The following THRB variants were observed in gnomAD, a reference collection of about 807,000 sequenced individuals.
THRB encodes the protein nuclear receptor subfamily 1 group A member 2.
A neutral mutation model predicts 47.8 loss-of-function variants in THRB; 12 were observed. The ratio of observed to expected loss-of-function variants is 0.25; its 90% CI spans 0.16 to 0.41. The LOEUF (loss-of-function observed/expected upper bound fraction) is 0.41, where lower values mean the gene tolerates loss of function less well. THRB is among the 10% of genes least tolerant of loss of function. THRB has a pLI of 1.00. For synonymous variants in THRB, 218 were observed against 212.2 expected (o/e 1.03, Z -0.24); for missense variants, 348 against 589.2 (o/e 0.59, Z 4.24).
At chr3:24,295,994 A>ACAG (rs2056414738) in intron 3 of THRB, among the ~76,000 whole-genome samples, 1 of 152,218 alleles carries the variant, frequency 6.6e-6, no homozygotes. Flanking sequence ...GCAGTAATGG[A>ACAG]CAGCACAGAT....
intron 4 of THRB, among the ~76,000 whole-genome samples, chr3:24,194,966 T>G (rs2043791029): frequency 6.6e-6 from 1 of 152,246 alleles, no homozygotes; most frequent in Non-Finnish European, 1.5e-5. Context: ...TATTAGGTAC[T>G]GAGACTGACT....
chr3:24,495,381 C>T (rs1295067757), upstream of THRB: 6 of 153,344 alleles, frequency 3.9e-5, 1 homozygote. Context: ...CGGGCCAGCG[C>T]TCCGACGCGC....
intron 1 of THRB, among the ~76,000 whole-genome samples, chr3:24,341,183 C>CTTTTGTTTCCTTTCA (rs1559973177): frequency 1.5e-4 from 7 of 47,128 alleles, no homozygotes; most frequent in African/African-American, 4.4e-4. Flanking sequence ...CTTTCCTTTC[C>CTTTTGTTTCCTTTCA]TTTCGTTTCC....
chr3:24,186,124 G>T (rs1206953783), intron 5 of THRB, among the ~76,000 whole-genome samples: 1 of 152,182 alleles, frequency 6.6e-6, no homozygotes, highest in Non-Finnish European at 1.5e-5. Context: ...GCAACGAGTT[G>T]AAGAGTATTT....
chr3:24,318,177 T>C (rs1365659899), intron 2 of THRB, among the ~76,000 whole-genome samples: 1 of 152,226 alleles, frequency 6.6e-6, no homozygotes, highest in Admixed American at 6.5e-5. Context: ...TCTTTTTGTT[T>C]GCAGGTAAAT....
At chr3:24,252,825 T>G (rs1475638438) in intron 3 of THRB, among the ~76,000 whole-genome samples, 1 of 152,112 alleles carries the variant, frequency 6.6e-6, no homozygotes, top group Non-Finnish European at 1.5e-5. Context: ...GTACACGGTA[T>G]GTGACATCCA....
intron 5 of THRB, among the ~76,000 whole-genome samples, chr3:24,167,641 TTCCAAAGTCTC>T (rs1434181038): frequency 6.6e-6 from 1 of 152,134 alleles, no homozygotes; most frequent in Non-Finnish European, 1.5e-5. Context: ...AATGCACATG[TTCCAAAGTCTC>T]TTTTTCTGGT....
intron 1 of THRB, among the ~76,000 whole-genome samples, chr3:24,447,041 C>T (rs2072161143): frequency 6.6e-6 from 1 of 152,104 alleles, no homozygotes; most frequent in Non-Finnish European, 1.5e-5. Context: ...ATATAGCCTC[C>T]ATTTTTATAA....
At chr3:24,145,405 T>C (rs950704626) in intron 7 of THRB, among the ~76,000 whole-genome samples, 6 of 152,148 alleles carry the variant, frequency 3.9e-5, no homozygotes, top group African/African-American at 9.7e-5. Context: ...CACTGAGTTT[T>C]TAAACCTCAT....
At chr3:24,396,170 C>CAT (rs1393741269) in intron 1 of THRB, among the ~76,000 whole-genome samples, 1 of 151,682 alleles carries the variant, frequency 6.6e-6, no homozygotes, top group Admixed American at 6.6e-5. Context: ...TATATATAGG[C>CAT]ATATATATAT....
intron 1 of THRB, among the ~76,000 whole-genome samples, chr3:24,392,922 AG>A (rs1369697631): frequency 6.6e-6 from 1 of 152,142 alleles, no homozygotes; most frequent in Non-Finnish European, 1.5e-5. Flanking sequence ...ATACCCAGAA[AG>A]TTTTTTAAAA....
chr3:24,335,824 A>G (rs2062212206), intron 2 of THRB, among the ~76,000 whole-genome samples: 1 of 152,216 alleles, frequency 6.6e-6, no homozygotes. Context: ...CCTTATCTGT[A>G]AATTGAGGAG....
At chr3:24,466,434 A>T (rs1029986218) in intron 1 of THRB, among the ~76,000 whole-genome samples, 1 of 152,040 alleles carries the variant, frequency 6.6e-6, no homozygotes, top group African/African-American at 2.4e-5. Context: ...CTTATTTTCA[A>T]ACTACCACCT....
At chr3:24,218,084 G>A (rs572362041) in intron 4 of THRB, among the ~76,000 whole-genome samples, 62 of 152,064 alleles carry the variant, frequency 4.1e-4, no homozygotes, top group African/African-American at 1.3e-3. Context: ...GGCTAATACC[G>A]TGAAACCTCG....
At chr3:24,135,847 A>ATATAT (rs371175625) in intron 8 of THRB, among the ~76,000 whole-genome samples, 5 of 130,958 alleles carry the variant, frequency 3.8e-5, no homozygotes, top group African/African-American at 1.3e-4. Flanking sequence ...ATATATATAT[A>ATATAT]ATACATAAAT....
rs148870091 is a variant in THRB, at chr3:24,435,740, G to C, written c.-261+58912C>G. Among the ~76,000 whole-genome samples, 335 of 152,210 alleles carry C rather than the reference G, an allele frequency of 2.2e-3. 4 individuals are homozygous for C. The highest frequency in any genetic ancestry group is 7.1e-3 in the African/African-American group (296 of 41,578). On this transcript the variant is annotated intron_variant, in intron 1 of 10. Coordinates refer to ENST00000646209, the MANE Select transcript of THRB (RefSeq NM_001354712.2). ...AGTCCCCAAAGTATTGAAAAGGCAA[G>C]ATAGGAAACAATGAGTAATGTGGGC... is the stretch of plus-strand genomic sequence containing the variant.
chr3:24,331,872 A>G (rs953813295), intron 2 of THRB, among the ~76,000 whole-genome samples: 4 of 152,024 alleles, frequency 2.6e-5, no homozygotes, highest in Non-Finnish European at 4.4e-5. Context: ...ACCCCCTTTC[A>G]TCGTTCCCCT....
At chr3:24,156,470 C>A (rs1347063461) in intron 5 of THRB, among the ~76,000 whole-genome samples, 1 of 152,198 alleles carries the variant, frequency 6.6e-6, no homozygotes, top group African/African-American at 2.4e-5. Context: ...GCAGAAGTAG[C>A]AGCATGTGAG....
chr3:24,281,512 G>A (rs370949023), intron 3 of THRB, among the ~76,000 whole-genome samples: 1 of 151,534 alleles, frequency 6.6e-6, no homozygotes, highest in Admixed American at 6.6e-5. Context: ...GAGACTAGGA[G>A]GAAACCGCAT....
Sources: allele counts gnomAD v4.1 joint callset (sites outside exome capture counted in the v4.1 genomes callset), GRCh38; gene constraint gnomAD v4.1.1; transcripts MANE v1.5; gene names NCBI Gene and HGNC (gene_info 2026-07-23, HGNC 2026-07-21).